GPR161: variants seen among roughly 807,000 people sequenced by gnomAD.
GPR161 encodes G protein-coupled receptor 161.
In GPR161, 25 loss-of-function variants were observed where a neutral mutation model predicts 39.2. The observed-to-expected ratio is 0.64, with a 90% CI of 0.47 to 0.89. The LOEUF (loss-of-function observed/expected upper bound fraction) is 0.89. GPR161 is among the 40% of genes least tolerant of loss of function. The pLI, the probability that GPR161 is intolerant of heterozygous loss-of-function variation, is 0.00. For missense variants in GPR161, 547 were observed against 677.8 expected, an observed-to-expected ratio of 0.81 and a Z score of 2.14; for synonymous variants, 286 against 276.6, an observed-to-expected ratio of 1.03 and a Z score of -0.34.
At chr1:168,108,432 A>G (rs11576643) in intron 1 of GPR161, among the ~76,000 whole-genome samples, 1 of 148,872 alleles carries the variant, frequency 6.7e-6, no homozygotes, top group Non-Finnish European at 1.5e-5. Context: ...ATACAAATTC[A>G]CAATACGAAA....
At chr1:168,108,380 C>G (rs1349198893) in intron 1 of GPR161, among the ~76,000 whole-genome samples, 1 of 150,140 alleles carries the variant, frequency 6.7e-6, no homozygotes, top group Non-Finnish European at 1.5e-5. Flanking sequence ...CCATTGCACA[C>G]CCTTGGCCCA....
rs113945761 is a variant in GPR161, at chr1:168,099,409, C to G, written c.375-2177G>C. Among the ~76,000 whole-genome samples, 1,412 of 152,224 alleles carry G rather than the reference C, an allele frequency of 9.3e-3. 16 individuals are homozygous for G. The highest frequency in any genetic ancestry group is 0.033 in the African/African-American group (1,350 of 41,524). ...GCACACAGACGCTCCACCCTGTCAC[C>G]TCGGTAGTGTACGGCCGGTTGTGGG... On this transcript the variant is annotated intron_variant, in intron 2 of 5. Coordinates refer to ENST00000682931, the MANE Select transcript of GPR161 (RefSeq NM_001375883.1).
intron 1 of GPR161, among the ~76,000 whole-genome samples, chr1:168,127,222 C>T (rs945222101): frequency 6.6e-6 from 1 of 152,132 alleles, no homozygotes; most frequent in African/African-American, 2.4e-5. Flanking sequence ...CAGTGGCTCA[C>T]ACCTGTAATC....
intron 1 of GPR161, among the ~76,000 whole-genome samples, chr1:168,113,711 T>G (rs1697405528): frequency 6.6e-6 from 1 of 152,214 alleles, no homozygotes; most frequent in Admixed American, 6.5e-5. Context: ...GAGGCTGTTA[T>G]CCTTAACAAA....
chr1:168,134,839 C>T, intron 1 of GPR161: 1 of 1,420,250 alleles, frequency 7.0e-7, no homozygotes, highest in Non-Finnish European at 9.6e-7. Flanking sequence ...CCTGTCCACC[C>T]GCCTCCTGCA....
At chr1:168,118,582 C>G (rs1038654505) in intron 1 of GPR161, 3 of 152,110 alleles carry the variant, frequency 2.0e-5, no homozygotes, top group Admixed American at 2.0e-4. Flanking sequence ...TGTAACAAAA[C>G]TGTACTTGTA....
intron 1 of GPR161, among the ~76,000 whole-genome samples, chr1:168,129,413 G>C (rs1024093869): frequency 6.6e-6 from 1 of 152,058 alleles, no homozygotes; most frequent in Non-Finnish European, 1.5e-5. Flanking sequence ...GTGTGGACTG[G>C]ATTCTACATG....
At chr1:168,090,102 T>C (rs1487658486) in intron 4 of GPR161, among the ~76,000 whole-genome samples, 1 of 152,158 alleles carries the variant, frequency 6.6e-6, no homozygotes, top group East Asian at 1.9e-4. Context: ...TGCCCTGTAA[T>C]GGGGATTAGT....
At chr1:168,137,197 C>G, upstream of GPR161, 2 of 1,431,514 alleles carry the variant, frequency 1.4e-6, no homozygotes, top group East Asian at 5.1e-5. Context: ...CTCCTGAAAA[C>G]CTTTGTGGTG....
chr1:168,095,346 G>A (rs187003527), intron 3 of GPR161, among the ~76,000 whole-genome samples: 15 of 152,372 alleles, frequency 9.8e-5, no homozygotes, highest in Admixed American at 7.2e-4. Flanking sequence ...TAATGGCACT[G>A]CCCCAGTGTT....
At chr1:168,093,989 C>T (rs971369591) in intron 3 of GPR161, among the ~76,000 whole-genome samples, 1 of 150,712 alleles carries the variant, frequency 6.6e-6, no homozygotes, top group African/African-American at 2.4e-5. Context: ...ACTTGGAACC[C>T]ATTCCATAAG....
chr1:168,131,509 A>T (rs1254584566), intron 1 of GPR161, among the ~76,000 whole-genome samples: 1 of 152,186 alleles, frequency 6.6e-6, no homozygotes, highest in Non-Finnish European at 1.5e-5. Flanking sequence ...AAAAAAAGTT[A>T]CTATAAAAGT....
At chr1:168,112,784 G>C (rs1263225112) in intron 1 of GPR161, among the ~76,000 whole-genome samples, 3 of 152,146 alleles carry the variant, frequency 2.0e-5, no homozygotes, top group Admixed American at 6.5e-5. Flanking sequence ...TGGAACCCAG[G>C]AGGCAGAGGT....
upstream of GPR161, chr1:168,136,960 C>T (rs1470884433): frequency 1.6e-5 from 15 of 934,022 alleles, no homozygotes; most frequent in African/African-American, 2.1e-4. Flanking sequence ...CCCGCCCCGC[C>T]CCCCCCACGC....
At chr1:168,119,940 T>G (rs944051289) in intron 1 of GPR161, among the ~76,000 whole-genome samples, 2 of 152,162 alleles carry the variant, frequency 1.3e-5, no homozygotes, top group Admixed American at 6.5e-5. Context: ...CAGGCAGAAG[T>G]CTGCTGCAGG....
intron 2 of GPR161, among the ~76,000 whole-genome samples, chr1:168,099,865 G>C (rs1361535836): frequency 7.3e-6 from 1 of 137,676 alleles, no homozygotes; most frequent in Non-Finnish European, 1.6e-5. Context: ...TGGATAAAAT[G>C]TATGTACATT....
intron 1 of GPR161, among the ~76,000 whole-genome samples, chr1:168,128,130 T>C (rs1159241118): frequency 2.0e-5 from 3 of 152,190 alleles, no homozygotes; most frequent in Non-Finnish European, 4.4e-5. Flanking sequence ...CATGCTTCCT[T>C]TGGCTCAAAA....
chr1:168,100,573 G>A (rs76392988), intron 2 of GPR161, among the ~76,000 whole-genome samples: 1 of 152,262 alleles, frequency 6.6e-6, no homozygotes, highest in South Asian at 2.1e-4. Context: ...AGGGGCTTCC[G>A]ATGCTTCAGG....
intron 4 of GPR161, 135 bp from the exon 5 acceptor site, chr1:168,087,839 G>C: frequency 1.2e-6 from 1 of 834,134 alleles, no homozygotes; most frequent in Non-Finnish European, 1.8e-6. Flanking sequence ...TGACTGCGCC[G>C]CAGCACGTGC....
Sources: allele counts gnomAD v4.1 joint callset (sites outside exome capture counted in the v4.1 genomes callset), GRCh38; gene constraint gnomAD v4.1.1; transcripts MANE v1.5; gene names NCBI Gene and HGNC (gene_info 2026-07-23, HGNC 2026-07-21).